Variants in EPHA5 observed in about 807,000 individuals in gnomAD.
The protein encoded by EPHA5 is ephrin type-A receptor 5.
In EPHA5, 60 loss-of-function variants were observed where a neutral mutation model predicts 105.0. That is an observed-to-expected ratio of 0.57 (90% CI 0.46 to 0.71). The LOEUF (loss-of-function observed/expected upper bound fraction) is 0.71, where lower values mean the gene tolerates loss of function less well. Ranked by LOEUF, EPHA5 falls within the 30% of genes least tolerant of loss-of-function variation. EPHA5 has a pLI of 0.00. For missense variants in EPHA5, 1,218 were observed against 1,274.7 expected, an observed-to-expected ratio of 0.96 and a Z score of 0.68; for synonymous variants, 513 against 449.1, an observed-to-expected ratio of 1.14 and a Z score of -1.80.
Position 65,599,049 on chromosome 4 carries a change from C to A in EPHA5, c.910+2592G>T, listed in dbSNP as rs547793517. Among the ~76,000 whole-genome samples, 4 of 151,750 alleles carry A rather than the reference C, an allele frequency of 2.6e-5. No homozygotes were observed. The South Asian group carries it at 6.3e-4, about 24-fold the overall frequency. ...TGATATATTCATATAGTTAAAAAAC[C>A]AAAACTATATATAAAGTCATTCATT... On this transcript the variant is annotated intron_variant, in intron 3 of 16. Coordinates refer to ENST00000613740, the MANE Select transcript of EPHA5 (RefSeq NM_001281766.3).
chr4:65,527,317 A>G (rs1434105748), intron 3 of EPHA5, among the ~76,000 whole-genome samples: 1 of 152,154 alleles, frequency 6.6e-6, no homozygotes, highest in East Asian at 1.9e-4. Context: ...CAAACGATGA[A>G]AAATAATGCT....
chr4:65,338,212 C>T (rs1263634051), intron 14 of EPHA5, among the ~76,000 whole-genome samples: 1 of 151,952 alleles, frequency 6.6e-6, no homozygotes, highest in Non-Finnish European at 1.5e-5. Context: ...ATCATTTGCA[C>T]ACATAGATCG....
intron 1 of EPHA5, among the ~76,000 whole-genome samples, chr4:65,658,708 C>G (rs997742221): frequency 6.6e-6 from 1 of 152,096 alleles, no homozygotes; most frequent in African/African-American, 2.4e-5. Flanking sequence ...GGTTTACTAG[C>G]TTGCCCAAGT....
chr4:65,411,784 T>C (rs1019377918), intron 7 of EPHA5, among the ~76,000 whole-genome samples: 1 of 152,210 alleles, frequency 6.6e-6, no homozygotes, highest in African/African-American at 2.4e-5. Flanking sequence ...AATTTAATTA[T>C]CATTGTGTAT....
At chr4:65,338,868 A>C (rs762315572) in intron 14 of EPHA5, among the ~76,000 whole-genome samples, 1 of 152,106 alleles carries the variant, frequency 6.6e-6, no homozygotes, top group Non-Finnish European at 1.5e-5. Context: ...ACCAAAGTGC[A>C]ATTTAGGTGT....
intron 5 of EPHA5, among the ~76,000 whole-genome samples, chr4:65,463,676 AG>A (rs1364830597): frequency 2.0e-5 from 3 of 152,146 alleles, no homozygotes; most frequent in Non-Finnish European, 4.4e-5. Context: ...AAGTTCATTC[AG>A]ATGTCAAAAA....
chr4:65,357,955 G>A (rs1486960716), intron 11 of EPHA5, among the ~76,000 whole-genome samples: 3 of 151,294 alleles, frequency 2.0e-5, no homozygotes, highest in Non-Finnish European at 4.4e-5. Context: ...ACAATCCTTT[G>A]CCATAAGACA....
intron 6 of EPHA5, among the ~76,000 whole-genome samples, chr4:65,417,085 C>T (rs184206315): frequency 6.6e-6 from 1 of 152,192 alleles, no homozygotes; most frequent in East Asian, 1.9e-4. Flanking sequence ...GCAGAAGGAG[C>T]CAGCTGGCAA....
In EPHA5 at chr4:65,373,192, A is replaced by T. The variant is rs777204661; in HGVS notation, c.1794-5768T>A. On this transcript the variant is annotated intron_variant, in intron 8 of 16. Transcript: ENST00000613740. ...TATCTCCTGTAGTCTGAAGCTTCAT[A>T]GTTATTTTTAAAAATAGATAGTTTG... is the stretch of plus-strand genomic sequence containing the variant. Among the ~76,000 whole-genome samples, 10 of 152,014 alleles carry T rather than the reference A, an allele frequency of 6.6e-5. No homozygotes were observed. In the South Asian group the frequency reaches 2.1e-3, roughly 32 times the overall value.
At chr4:65,609,263 AC>A (rs1744529406) in intron 2 of EPHA5, among the ~76,000 whole-genome samples, 1 of 152,204 alleles carries the variant, frequency 6.6e-6, no homozygotes, top group African/African-American at 2.4e-5. Context: ...TTGAATCAAA[AC>A]CTTGTTATAT....
At chr4:65,451,150 G>T (rs1727027327) in intron 5 of EPHA5, among the ~76,000 whole-genome samples, 1 of 152,004 alleles carries the variant, frequency 6.6e-6, no homozygotes, top group Admixed American at 6.6e-5. Flanking sequence ...ATCACTTTTG[G>T]ATAAGTAGCT....
chr4:65,466,116 A>G (rs1415229991), intron 5 of EPHA5, among the ~76,000 whole-genome samples: 2 of 152,252 alleles, frequency 1.3e-5, no homozygotes, highest in Non-Finnish European at 2.9e-5. Context: ...GTATGTGTGC[A>G]TGTGTGTGGG....
At position 65,601,716 on chromosome 4, in the gene EPHA5, C is replaced by A; in HGVS notation, c.835G>T (p.Glu279Ter). 1 of 1,614,124 alleles carries A rather than the reference C, an allele frequency of 6.2e-7. No homozygotes were observed. Among genetic ancestry groups the A allele is most frequent in the Non-Finnish European group, 8.5e-7 (1 of 1,180,010 alleles). Residue 279 changes from glutamate (E) to a stop codon, truncating the protein, a stop_gained, in exon 3 of 17, where the codon GAA becomes TAA. Transcript: ENST00000613740. LOFTEE classifies it high-confidence loss of function. ...CCGATGGGCACCAGCCACTCCCCTT[C>A]GGCGCTGCAGTGCATTTTGGGAGGT... ...DEPPKMHCSA[E>*]GEWLVPIGKC...
chr4:65,607,491 C>CA (rs71933682), intron 2 of EPHA5, among the ~76,000 whole-genome samples: 25 of 151,712 alleles, frequency 1.6e-4, no homozygotes, highest in Admixed American at 2.6e-4. Flanking sequence ...AACAAACAAA[C>CA]AAAAAAAAAA....
At position 65,341,628 on chromosome 4, in the gene EPHA5, C is replaced by A. The variant is rs375778449; in HGVS notation, c.2596-5503G>T. ...GTGTATATGTATATATGTTATATAT[C>A]TCTCTCTCCAGAATTACAATGAGCT... On this transcript the variant is annotated intron_variant, in intron 14 of 16. Coordinates refer to ENST00000613740, the MANE Select transcript of EPHA5 (RefSeq NM_001281766.3). Among the ~76,000 whole-genome samples, 51 of 151,014 alleles carry A rather than the reference C, an allele frequency of 3.4e-4. 1 individual carries two copies. In the South Asian group the frequency reaches 1.0e-2, roughly 30 times the overall value.
rs1742910818 is a variant in EPHA5 at position 65,593,790 on chromosome 4, A to G, written c.910+7851T>C. Among the ~76,000 whole-genome samples, 3 of 152,206 alleles carry G rather than the reference A, an allele frequency of 2.0e-5. No individual in the cohort carries two copies. The South Asian group carries it at 6.2e-4, about 32-fold the overall frequency. ...GAGGCCGGCATCACTTTTAAGCCCA[A>G]TGCCGTTAATCTGCTACGCACACAA... On this transcript the variant is annotated intron_variant, in intron 3 of 16. Coordinates refer to ENST00000613740, the MANE Select transcript of EPHA5 (RefSeq NM_001281766.3).
chr4:65,631,079 G>A (rs1010320232), intron 2 of EPHA5, among the ~76,000 whole-genome samples: 1 of 152,026 alleles, frequency 6.6e-6, no homozygotes, highest in Non-Finnish European at 1.5e-5. Flanking sequence ...CTTGGTGAGG[G>A]TAAAGTGATG....
intron 3 of EPHA5, among the ~76,000 whole-genome samples, chr4:65,535,085 A>G (rs887282062): frequency 2.0e-5 from 3 of 152,212 alleles, no homozygotes; most frequent in African/African-American, 7.2e-5. Flanking sequence ...ACATGCTACA[A>G]ATAGTCTCCT....
intron 1 of EPHA5, among the ~76,000 whole-genome samples, chr4:65,665,557 C>CT (rs893959871): frequency 6.6e-6 from 1 of 151,852 alleles, no homozygotes; most frequent in Non-Finnish European, 1.5e-5. Flanking sequence ...AAAAGTGCAC[C>CT]TTTTTTTCCA....
Sources: gnomAD v4.1 joint callset for allele counts (sites outside exome capture counted in the v4.1 genomes callset) on GRCh38, gnomAD v4.1.1 for gene constraint, MANE v1.5 for transcripts, NCBI Gene and HGNC (gene_info 2026-07-23, HGNC 2026-07-21) for gene names.